RALB: variants seen among roughly 807,000 people sequenced by gnomAD.
RALB encodes ras-related protein Ral-B.
Under a neutral mutation model 21.3 loss-of-function variants are expected in RALB, and 16 were observed. The ratio of observed to expected loss-of-function variants is 0.75; its 90% CI spans 0.51 to 1.14. The LOEUF (loss-of-function observed/expected upper bound fraction) is 1.14. Ranked by LOEUF, RALB falls within the 50% of genes most tolerant of loss-of-function variation. The pLI is 0.00. For missense variants in RALB, 161 were observed against 256.2 expected, an observed-to-expected ratio of 0.63 and a Z score of 2.54; for synonymous variants, 93 against 96.1, an observed-to-expected ratio of 0.97 and a Z score of 0.19.
At chr2:120,262,036 A>G (rs1689378284) in intron 1 of RALB, among the ~76,000 whole-genome samples, 2 of 152,348 alleles carry the variant, frequency 1.3e-5, no homozygotes, top group African/African-American at 2.4e-5. Context: ...TGGGACATCC[A>G]CATGCACAGA....
chr2:120,247,057 G>T (rs559416785), intron 1 of RALB, among the ~76,000 whole-genome samples: 9 of 152,186 alleles, frequency 5.9e-5, no homozygotes, highest in Non-Finnish European at 1.0e-4. Context: ...CTGTCACCCC[G>T]TGGCGGCTTT....
intron 1 of RALB, among the ~76,000 whole-genome samples, chr2:120,256,312 TGGGGAGAG>T (rs1487104900): frequency 6.6e-6 from 1 of 151,742 alleles, no homozygotes; most frequent in Non-Finnish European, 1.5e-5. Context: ...CTGACGGGGG[TGGGGAGAG>T]AGGGAGAGAA....
At chr2:120,247,263 C>T (rs1296836021) in intron 1 of RALB, among the ~76,000 whole-genome samples, 1 of 152,204 alleles carries the variant, frequency 6.6e-6, no homozygotes, top group Non-Finnish European at 1.5e-5. Context: ...GGAGATAACT[C>T]TTTGTAAACT....
At chr2:120,241,038 C>T (rs1035955845) in intron 1 of RALB, among the ~76,000 whole-genome samples, 12 of 152,180 alleles carry the variant, frequency 7.9e-5, no homozygotes, top group Non-Finnish European at 1.3e-4. Context: ...ACGGGGTGTG[C>T]GTTTGTCCTT....
chr2:120,242,592 G>T (rs1428460035), intron 1 of RALB, among the ~76,000 whole-genome samples: 11 of 152,014 alleles, frequency 7.2e-5, no homozygotes, highest in Non-Finnish European at 1.5e-4. Flanking sequence ...AACAAAATTA[G>T]CCGGGCGTGG....
At chr2:120,246,043 C>T (rs983670745) in intron 1 of RALB, among the ~76,000 whole-genome samples, 8 of 152,238 alleles carry the variant, frequency 5.3e-5, no homozygotes, top group African/African-American at 1.7e-4. Flanking sequence ...CCCGACACCA[C>T]CCCGCATTCC....
At chr2:120,282,660 A>G (rs1224599737) in intron 2 of RALB, among the ~76,000 whole-genome samples, 1 of 152,094 alleles carries the variant, frequency 6.6e-6, no homozygotes, top group East Asian at 1.9e-4. Flanking sequence ...GACCAGGGAA[A>G]GCTGTGCCTG....
At chr2:120,283,350 T>G (rs558413303) in intron 2 of RALB, among the ~76,000 whole-genome samples, 177 of 152,322 alleles carry the variant, frequency 1.2e-3, no homozygotes, top group African/African-American at 4.2e-3. Flanking sequence ...AAGACAGTTT[T>G]TCCGATGTGG....
chr2:120,291,819 G>T (rs1368643308), intron 4 of RALB, among the ~76,000 whole-genome samples: 1 of 152,134 alleles, frequency 6.6e-6, no homozygotes, highest in Non-Finnish European at 1.5e-5. Context: ...TCTAGCTGGG[G>T]GCTGGGGTTG....
intron 1 of RALB, among the ~76,000 whole-genome samples, chr2:120,259,053 C>T (rs903749835): frequency 4.0e-5 from 6 of 151,870 alleles, no homozygotes; most frequent in African/African-American, 7.3e-5. Context: ...TCGTTCCTCC[C>T]GGTGGGCTCG....
At chr2:120,253,299 C>T in intron 1 of RALB, 1 of 770,206 alleles carries the variant, frequency 1.3e-6, no homozygotes. Context: ...TGCCGCGGGC[C>T]TCCCGCTCGG....
chr2:120,289,795 T>C, intron 4 of RALB, 38 bp downstream of exon 4: 1 of 1,542,928 alleles, frequency 6.5e-7, no homozygotes, highest in Non-Finnish European at 8.7e-7. Context: ...GAAACAGACC[T>C]GAGAAACAGC....
intron 3 of RALB, 96 bp from the exon 4 acceptor site, chr2:120,289,484 C>A: frequency 7.9e-7 from 1 of 1,261,298 alleles, no homozygotes. Context: ...TTTTTTCCTT[C>A]TGCCTTAGGA....
chr2:120,260,593 A>G (rs1319769763), intron 1 of RALB, among the ~76,000 whole-genome samples: 1 of 152,116 alleles, frequency 6.6e-6, no homozygotes, highest in African/African-American at 2.4e-5. Flanking sequence ...GATGGGGAGG[A>G]GGAATGCCTG....
At chr2:120,259,215 C>T (rs1044071392) in intron 1 of RALB, among the ~76,000 whole-genome samples, 9 of 152,212 alleles carry the variant, frequency 5.9e-5, no homozygotes, top group Admixed American at 5.2e-4. Context: ...GGGACCCCAG[C>T]GAGTTGCCAA....
At chr2:120,284,165 T>G in intron 2 of RALB, among the ~76,000 whole-genome samples, 1 of 149,362 alleles carries the variant, frequency 6.7e-6, no homozygotes, top group Non-Finnish European at 1.5e-5. Flanking sequence ...TTCACATCTC[T>G]ATTTGGAGAT....
At chr2:120,254,622 C>CTG (rs1354493567) in intron 1 of RALB, among the ~76,000 whole-genome samples, 1 of 152,166 alleles carries the variant, frequency 6.6e-6, no homozygotes, top group African/African-American at 2.4e-5. Flanking sequence ...CTTGCCTTGA[C>CTG]TGAAGATGGC....
chr2:120,293,231 A>G lies in RALB; in HGVS notation c.592A>G (p.Ser198Gly), dbSNP rs756077966. 6.2e-7 allele frequency: 1 copy of G among 1,613,540 alleles called. No homozygotes were observed. Among genetic ancestry groups the G allele is most frequent in the East Asian group, 2.2e-5 (1 of 44,844 alleles). ...NGKKSSKNKK[S>G]FKERCCLL The stretch of plus-strand genomic sequence containing the variant: ...CAAGAAAAGCAGCAAGAACAAGAAA[A>G]GTTTTAAAGAAAGATGTTGCTTACT... Residue 198 changes from serine (S) to glycine (G), a missense_variant, in exon 5 of 5, where the codon AGT (serine) becomes GGT (glycine). By Grantham distance (56) the Ser-to-Gly change is moderately conservative. Transcript: ENST00000272519.
Position 120,294,555 on chromosome 2 carries a change from G to A in RALB, c.*1295G>A, listed in dbSNP as rs1690377042. 1 of 289,660 alleles carries A rather than the reference G, an allele frequency of 3.5e-6. No individual in the cohort carries two copies. The allele number at this position is 289,660 out of a possible 1,614,324, so 17.9% of individuals were successfully genotyped here. A position where few individuals can be genotyped will look rare whatever the true frequency, so the allele number is the denominator to read the frequency against. ...TTCAGAAGCGACATTTCATATATAG[G>A]TGCCAAAAGTGAATCGGGGTGCGGA... On this transcript the variant is annotated 3_prime_UTR_variant, in exon 5 of 5. Coordinates refer to ENST00000272519, the MANE Select transcript of RALB (RefSeq NM_002881.3).
Sources: gnomAD v4.1 joint callset for allele counts (sites outside exome capture counted in the v4.1 genomes callset) on GRCh38, gnomAD v4.1.1 for gene constraint, MANE v1.5 for transcripts, NCBI Gene and HGNC (gene_info 2026-07-23, HGNC 2026-07-21) for gene names.